Variants in NLRC5 observed in about 807,000 individuals in gnomAD.
The protein encoded by NLRC5 is NLR family CARD domain containing 5, also known as protein NLRC5.
Under a neutral mutation model 206.9 loss-of-function variants are expected in NLRC5, and 114 were observed. That is an observed-to-expected ratio of 0.55 (90% CI 0.47 to 0.64). NLRC5 has a LOEUF of 0.64. Ranked by LOEUF, NLRC5 falls within the 30% of genes least tolerant of loss-of-function variation. The pLI is 0.00. For missense variants in NLRC5, 2,008 were observed against 2,305.5 expected (o/e 0.87, Z 2.64); for synonymous variants, 952 against 962.8 (o/e 0.99, Z 0.21).
At chr16:57,066,651 G>C (rs1490348607) in intron 34 of NLRC5, 37 bp downstream of exon 34, 1 of 1,573,026 alleles carries the variant, frequency 6.4e-7, no homozygotes, top group South Asian at 1.1e-5. Flanking sequence ...GGCAGGGGCT[G>C]GTGTTGGGGA....
intron 20 of NLRC5, 92 bp from the exon 21 acceptor site, chr16:57,045,356 C>A: frequency 1.6e-6 from 2 of 1,237,434 alleles, no homozygotes; most frequent in Non-Finnish European, 2.4e-6. Flanking sequence ...CCACCCCAGG[C>A]CCTCCTTGCC....
chr16:57,021,124 C>T, intron 3 of NLRC5, 117 bp downstream of exon 3: 1 of 878,420 alleles, frequency 1.1e-6, no homozygotes, highest in Non-Finnish European at 1.7e-6. Context: ...GCCACGATCT[C>T]AACTCTATAT....
At chr16:56,995,348 G>A (rs891998953) in intron 1 of NLRC5, among the ~76,000 whole-genome samples, 5 of 152,192 alleles carry the variant, frequency 3.3e-5, no homozygotes, top group Non-Finnish European at 7.3e-5. Context: ...GAAAGGAAGG[G>A]CTGCTCCCGC....
chr16:57,009,716 A>G (rs942469870), intron 1 of NLRC5, among the ~76,000 whole-genome samples: 2 of 152,234 alleles, frequency 1.3e-5, no homozygotes, highest in African/African-American at 4.8e-5. Context: ...AAAGCCAAAA[A>G]TAACCAACCA....
intron 43 of NLRC5, 67 bp downstream of exon 43, chr16:57,078,087 GGT>G: frequency 7.4e-7 from 1 of 1,345,966 alleles, no homozygotes; most frequent in Non-Finnish European, 1.0e-6. Context: ...GCAGTGGGGG[GGT>G]CCAGGCCCCC....
chr16:57,013,845 C>T, intron 1 of NLRC5: 1 of 671,714 alleles, frequency 1.5e-6, no homozygotes, highest in South Asian at 1.5e-5. Flanking sequence ...TCATCCGATA[C>T]TTTCTTTTTC....
Position 57,046,570 on chromosome 16 carries a change from A to G in NLRC5, c.3267A>G (p.Gly1089=). ...DKTSRDMWAT[G]SLPDFPAAAK... ...CTCCTAGGGATATGTGGGCCACTGG[A>G]TCTTTGCCAGACTTCCCAGCTGCAG... The change falls in exon 22 of 49, where the codon GGA becomes GGG. Residue 1089 remains glycine (G), a synonymous_variant. Coordinates refer to ENST00000688547, the MANE Select transcript of NLRC5 (RefSeq NM_001384950.1). The G allele has an allele frequency of 6.2e-7, 1 of 1,613,762 alleles. No individual in the cohort carries two copies. Among genetic ancestry groups the G allele is most frequent in the South Asian group, 1.1e-5 (1 of 91,072 alleles).
intron 1 of NLRC5, among the ~76,000 whole-genome samples, chr16:56,998,074 T>G (rs2057832444): frequency 6.6e-6 from 1 of 152,084 alleles, no homozygotes; most frequent in South Asian, 2.1e-4. Flanking sequence ...CAACCTTTCT[T>G]CTGCCCCAGT....
chr16:57,024,489 C>G (rs2061044108), intron 5 of NLRC5, among the ~76,000 whole-genome samples: 1 of 152,158 alleles, frequency 6.6e-6, no homozygotes, highest in Non-Finnish European at 1.5e-5. Context: ...CCATAGGGTT[C>G]CCCCAAAAGC....
intron 10 of NLRC5, among the ~76,000 whole-genome samples, chr16:57,030,487 A>G (rs2061734398): frequency 1.1e-5 from 1 of 94,238 alleles, no homozygotes. Flanking sequence ...TGGGTGGATG[A>G]AAAGATGGAT....
At chr16:57,007,521 G>A (rs1375508972) in intron 1 of NLRC5, among the ~76,000 whole-genome samples, 2 of 151,682 alleles carry the variant, frequency 1.3e-5, no homozygotes, top group Non-Finnish European at 2.9e-5. Flanking sequence ...TCAGAAGTTC[G>A]AGACCAGCCT....
chr16:56,995,272 C>T (rs1449045887), intron 1 of NLRC5, among the ~76,000 whole-genome samples: 1 of 152,184 alleles, frequency 6.6e-6, no homozygotes, highest in East Asian at 1.9e-4. Flanking sequence ...CAGGAGAGGC[C>T]ATAGCCTCCT....
chr16:57,045,851 A>G lies in NLRC5; in HGVS notation c.3248+359A>G, dbSNP rs531941453. On this transcript the variant is annotated intron_variant, in intron 21 of 48. Transcript: ENST00000688547. ...ATTTTGTAGACCCACCGCTCCATAC[A>G]TGTCACTGCCCTTTCACGCTCTGAA... is the stretch of plus-strand genomic sequence containing the variant. Among the ~76,000 whole-genome samples, 11 of 152,322 alleles carry G rather than the reference A, an allele frequency of 7.2e-5. No individual in the cohort carries two copies. The East Asian group carries it at 1.2e-3, about 16-fold the overall frequency.
intron 1 of NLRC5, among the ~76,000 whole-genome samples, chr16:57,012,075 G>A (rs2059565289): frequency 6.6e-6 from 1 of 152,134 alleles, no homozygotes; most frequent in Non-Finnish European, 1.5e-5. Flanking sequence ...CCAGGCCCAG[G>A]CAACCAGTAA....
Position 57,028,072 on chromosome 16 carries a change from C to T in NLRC5, c.2076C>T (p.Ser692=). 1 of 1,612,144 alleles carries T rather than the reference C, an allele frequency of 6.2e-7. No individual in the cohort carries two copies. The highest frequency in any genetic ancestry group is 8.5e-7 in the Non-Finnish European group (1 of 1,178,728). The change falls in exon 7 of 49, where the codon AGC becomes AGT. Residue 692 remains serine (S), a splice_region_variant and synonymous_variant. Coordinates refer to ENST00000688547, the MANE Select transcript of NLRC5 (RefSeq NM_001384950.1). Reference sequence around the variant, plus strand: ...GACACTTCGCTTCTTCTTATGGCAGCTTTAAGAGCAGGAAGTGTGGGGATG... The same window carrying T: ...GACACTTCGCTTCTTCTTATGGCAGTTTTAAGAGCAGGAAGTGTGGGGATG... ...LVGCGQIENL[S]FKSRKCGDAF...
chr16:57,073,995 C>T (rs1420492384), intron 38 of NLRC5, among the ~76,000 whole-genome samples: 5 of 152,218 alleles, frequency 3.3e-5, no homozygotes, highest in Admixed American at 6.5e-5. Context: ...TCCCCTGCTA[C>T]GGTTGTTGTG....
intron 1 of NLRC5, among the ~76,000 whole-genome samples, chr16:56,991,485 G>A (rs1415992882): frequency 2.1e-5 from 3 of 146,032 alleles, no homozygotes; most frequent in South Asian, 2.2e-4. Context: ...GGGTTCAAGC[G>A]ATTCTCCTGC....
intron 23 of NLRC5, among the ~76,000 whole-genome samples, chr16:57,051,024 T>C (rs1338008762): frequency 6.6e-6 from 1 of 152,014 alleles, no homozygotes; most frequent in Non-Finnish European, 1.5e-5. Flanking sequence ...GGCTAATTTT[T>C]TTTTCGTTTT....
At chr16:57,028,457 G>A in intron 8 of NLRC5, 72 bp downstream of exon 8, 11 of 1,189,964 alleles carry the variant, frequency 9.2e-6, no homozygotes, top group Non-Finnish European at 1.4e-5. Context: ...TCCCCCTGGG[G>A]CCTGCATGTT....
Sources: gnomAD v4.1 joint callset for allele counts (sites outside exome capture counted in the v4.1 genomes callset) on GRCh38, gnomAD v4.1.1 for gene constraint, MANE v1.5 for transcripts, NCBI Gene and HGNC (gene_info 2026-07-23, HGNC 2026-07-21) for gene names.